Variants in VPS37A observed in about 807,000 individuals in gnomAD.
The protein encoded by VPS37A is VPS37A subunit of ESCRT-I.
VPS37A carries 30 observed loss-of-function variants against 49.8 expected under a neutral mutation model. The observed-to-expected ratio is 0.60, with a 90% CI of 0.45 to 0.82. VPS37A has a LOEUF of 0.82. VPS37A is among the 40% of genes least tolerant of loss of function. VPS37A has a pLI of 0.00. For synonymous variants in VPS37A, 195 were observed against 160.6 expected, an observed-to-expected ratio of 1.21 and a Z score of -1.62; for missense variants, 593 against 464.4, an observed-to-expected ratio of 1.28 and a Z score of -2.55.
intron 1 of VPS37A, among the ~76,000 whole-genome samples, chr8:17,257,273 G>T (rs1323735707): frequency 2.6e-5 from 4 of 152,156 alleles, no homozygotes; most frequent in African/African-American, 9.7e-5. Flanking sequence ...CCATTGGTCT[G>T]TGTGTTTGTT....
chr8:17,276,793 T>A (rs1480190335), intron 6 of VPS37A, among the ~76,000 whole-genome samples: 1 of 152,152 alleles, frequency 6.6e-6, no homozygotes. Flanking sequence ...AAATATATCT[T>A]GGCCTATTTT....
intron 1 of VPS37A, among the ~76,000 whole-genome samples, chr8:17,257,876 C>G (rs1283975228): frequency 2.0e-5 from 3 of 151,930 alleles, no homozygotes; most frequent in Admixed American, 2.0e-4. Flanking sequence ...AAATTGTTTG[C>G]TAGGTATTTT....
downstream of VPS37A, chr8:17,302,115 A>C (rs1484137671): frequency 6.2e-7 from 1 of 1,613,164 alleles, no homozygotes; most frequent in South Asian, 1.1e-5. Flanking sequence ...TTCAAGAAAT[A>C]AGCACAGAAA....
At chr8:17,325,623 C>T in the VPS37A span, among the ~76,000 whole-genome samples, 1 of 152,340 alleles carries the variant, frequency 6.6e-6, no homozygotes, top group East Asian at 1.9e-4. Flanking sequence ...GGGCTCACTT[C>T]CCCTGCTCCA....
intron 3 of VPS37A, among the ~76,000 whole-genome samples, 159 bp downstream of exon 3, chr8:17,268,531 T>C (rs1418580423): frequency 6.6e-6 from 1 of 152,208 alleles, no homozygotes; most frequent in Non-Finnish European, 1.5e-5. Context: ...GTTCTTACAA[T>C]ATGATATGGT....
At chr8:17,276,232 G>T (rs991613687) in intron 5 of VPS37A, among the ~76,000 whole-genome samples, 165 bp from the exon 6 acceptor site, 1 of 152,046 alleles carries the variant, frequency 6.6e-6, no homozygotes, top group Middle Eastern at 3.2e-3. Context: ...AAAGAAGACA[G>T]ACTGAAGGAA....
At chr8:17,305,715 C>T, downstream of VPS37A, 3 of 1,527,752 alleles carry the variant, frequency 2.0e-6, no homozygotes, top group Non-Finnish European at 2.7e-6. Context: ...TCATCAAAAT[C>T]TTTAAATAAA....
the VPS37A span, among the ~76,000 whole-genome samples, chr8:17,320,226 T>C: frequency 7.2e-5 from 11 of 152,290 alleles, no homozygotes; most frequent in African/African-American, 2.6e-4. Flanking sequence ...TGCACTTGTG[T>C]CTTGCATTTT....
intron 2 of VPS37A, 67 bp downstream of exon 2, chr8:17,266,048 T>C: frequency 7.2e-7 from 1 of 1,390,222 alleles, no homozygotes; most frequent in South Asian, 1.3e-5. Flanking sequence ...GTTTCTTAGT[T>C]ATTAGAAATA....
At chr8:17,318,231 G>A in the VPS37A span, among the ~76,000 whole-genome samples, 1 of 152,088 alleles carries the variant, frequency 6.6e-6, no homozygotes, top group Non-Finnish European at 1.5e-5. Context: ...AAGCCCCCAA[G>A]ATAAGGAATT....
chr8:17,278,272 G>A (rs947788717), intron 6 of VPS37A, among the ~76,000 whole-genome samples: 3 of 151,952 alleles, frequency 2.0e-5, no homozygotes, highest in Non-Finnish European at 4.4e-5. Context: ...TAAAGCACCT[G>A]AAATCATTGA....
intron 4 of VPS37A, among the ~76,000 whole-genome samples, chr8:17,269,960 C>A (rs1813821333): frequency 2.0e-5 from 3 of 152,122 alleles, no homozygotes; most frequent in African/African-American, 7.2e-5. Flanking sequence ...ACATTGTCAT[C>A]TGCTTGGCAT....
In VPS37A at chr8:17,297,432, G is replaced by GAAAGT. The variant is rs1184134016; in HGVS notation, c.*2450_*2454dup. On this transcript the variant is annotated 3_prime_UTR_variant, in exon 12 of 12. Coordinates refer to ENST00000324849, the MANE Select transcript of VPS37A (RefSeq NM_152415.3). The stretch of plus-strand genomic sequence containing the variant: ...CAGCTCAGATTCATTTTTAGGAGAA[G>GAAAGT]AAAGTAAACTAATGTGCTCTTAAAG... 6.6e-6 allele frequency: 1 copy of GAAAGT among 151,864 alleles called. No homozygotes were observed. The allele number at this position is 151,864 out of a possible 1,614,324, so 9.4% of individuals were successfully genotyped here. A position where few individuals can be genotyped will look rare whatever the true frequency, so the allele number is the denominator to read the frequency against.
chr8:17,326,719 A>G, the VPS37A span, among the ~76,000 whole-genome samples: 1 of 152,170 alleles, frequency 6.6e-6, no homozygotes, highest in Non-Finnish European at 1.5e-5. Flanking sequence ...AACAACCATA[A>G]GTGCTTGGAA....
At chr8:17,304,472 C>T (rs553369647), downstream of VPS37A, 24 of 1,613,786 alleles carry the variant, frequency 1.5e-5, no homozygotes, top group Non-Finnish European at 1.9e-5. Flanking sequence ...GTAGTCGGCC[C>T]GATTCTTCCA....
chr8:17,314,932 T>C, the VPS37A span, among the ~76,000 whole-genome samples: 4 of 152,102 alleles, frequency 2.6e-5, no homozygotes, highest in East Asian at 1.9e-4. Context: ...ATGTGTCTGA[T>C]AAAGTACATG....
At chr8:17,321,867 A>C in the VPS37A span, among the ~76,000 whole-genome samples, 1 of 152,180 alleles carries the variant, frequency 6.6e-6, no homozygotes, top group African/African-American at 2.4e-5. Context: ...GTAAAAAAAT[A>C]AAAAAGCAAA....
At chr8:17,330,217 G>A in the VPS37A span, among the ~76,000 whole-genome samples, 2 of 152,330 alleles carry the variant, frequency 1.3e-5, no homozygotes, top group South Asian at 2.1e-4. Flanking sequence ...GAGAGCAAAC[G>A]TGGATTCCTG....
chr8:17,286,150 T>C (rs1464062927), intron 10 of VPS37A, among the ~76,000 whole-genome samples, 197 bp from the exon 11 acceptor site: 1 of 152,168 alleles, frequency 6.6e-6, no homozygotes, highest in East Asian at 1.9e-4. Flanking sequence ...TATTATCTGC[T>C]CCTTGTACCA....
Sources: allele counts gnomAD v4.1 joint callset (sites outside exome capture counted in the v4.1 genomes callset), GRCh38; gene constraint gnomAD v4.1.1; transcripts MANE v1.5; gene names NCBI Gene and HGNC (gene_info 2026-07-23, HGNC 2026-07-21).